USH2A: variants seen among roughly 807,000 people sequenced by gnomAD.
USH2A encodes usherin, also known as Usher syndrome 2A (autosomal recessive, mild).
A neutral mutation model predicts 538.9 loss-of-function variants in USH2A; 443 were observed. The ratio of observed to expected loss-of-function variants is 0.82; its 90% CI spans 0.76 to 0.89. USH2A has a LOEUF of 0.89. USH2A is among the 40% of genes least tolerant of loss of function. USH2A has a pLI of 0.00. For synonymous variants in USH2A, 2,413 were observed against 2,273.5 expected (o/e 1.06, Z -1.75); for missense variants, 6,633 against 6,324.8 (o/e 1.05, Z -1.65).
chr1:215,880,472 G>A (rs1664875862), intron 41 of USH2A, among the ~76,000 whole-genome samples: 1 of 152,182 alleles, frequency 6.6e-6, no homozygotes, highest in African/African-American at 2.4e-5. Flanking sequence ...AGAGTTCTAA[G>A]AAGAGAGGCT....
chr1:216,044,471 G>A (rs1001717406), intron 32 of USH2A, among the ~76,000 whole-genome samples: 1 of 152,032 alleles, frequency 6.6e-6, no homozygotes, highest in African/African-American at 2.4e-5. Flanking sequence ...AACTTCTGTG[G>A]TTTATAATTT....
At chr1:215,906,688 A>C (rs111786864) in intron 38 of USH2A, among the ~76,000 whole-genome samples, 4,210 of 152,136 alleles carry the variant, frequency 0.028, 84 homozygotes, top group Middle Eastern at 0.041. Context: ...AGGGATTCCC[A>C]TCATTCCACA....
chr1:215,830,526 G>T (rs1663282454), intron 47 of USH2A, among the ~76,000 whole-genome samples: 1 of 152,120 alleles, frequency 6.6e-6, no homozygotes, highest in South Asian at 2.1e-4. Context: ...GAGGCAGGCT[G>T]GGAGGCAAAC....
At chr1:215,776,810 C>G (rs1382375862) in intron 55 of USH2A, among the ~76,000 whole-genome samples, 1 of 152,134 alleles carries the variant, frequency 6.6e-6, no homozygotes, top group Non-Finnish European at 1.5e-5. Context: ...GGTCAGTCAG[C>G]TAACCGTGGA....
At chr1:215,970,473 C>T (rs1667465340) in intron 36 of USH2A, 152 bp downstream of exon 36, 1 of 902,494 alleles carries the variant, frequency 1.1e-6, no homozygotes, top group Admixed American at 2.3e-5. Flanking sequence ...ATCTTAGTAA[C>T]TCTTAAATGA....
At chr1:216,241,659 C>A (rs1383416752) in intron 13 of USH2A, among the ~76,000 whole-genome samples, 1 of 152,074 alleles carries the variant, frequency 6.6e-6, no homozygotes, top group Non-Finnish European at 1.5e-5. Context: ...CTCAGTCTCC[C>A]AAGTAGCTGG....
intron 49 of USH2A, among the ~76,000 whole-genome samples, chr1:215,812,564 C>T (rs17042183): frequency 0.047 from 7,152 of 152,128 alleles, 271 homozygotes; most frequent in South Asian, 0.14. Flanking sequence ...AGGAACCAGA[C>T]GTTGGGCATA....
intron 14 of USH2A, among the ~76,000 whole-genome samples, chr1:216,225,504 A>T (rs1414637618): frequency 1.3e-5 from 2 of 152,172 alleles, no homozygotes; most frequent in Non-Finnish European, 2.9e-5. Context: ...AGTAAGAGAC[A>T]AATCCTGCTG....
At chr1:215,783,075 T>C (rs1558095994) in intron 52 of USH2A, 140 bp from the exon 53 acceptor site, 3 of 696,112 alleles carry the variant, frequency 4.3e-6, no homozygotes, top group South Asian at 2.3e-5. Flanking sequence ...AATAAAACTC[T>C]AATATCTTTA....
intron 3 of USH2A, 72 bp downstream of exon 3, chr1:216,418,442 C>A: frequency 6.4e-7 from 1 of 1,557,878 alleles, no homozygotes; most frequent in East Asian, 2.3e-5. Context: ...TGAGTAGATG[C>A]CATTTAAAAG....
At chr1:216,281,330 T>C (rs2036771672) in intron 11 of USH2A, among the ~76,000 whole-genome samples, 1 of 152,122 alleles carries the variant, frequency 6.6e-6, no homozygotes, top group Non-Finnish European at 1.5e-5. Context: ...ATAAAAGTTA[T>C]AAATAAAGCA....
At position 216,251,216 on chromosome 1, in the gene USH2A, G is replaced by A. The variant is rs1232605491; in HGVS notation, c.1972-118C>T. 7.0e-6 allele frequency: 7 copies of A among 1,001,762 alleles called. No individual in the cohort carries two copies. The African/African-American group carries it at 9.6e-5, about 14-fold the overall frequency. 62.1% of individuals were successfully genotyped at this position (1,001,762 alleles called of 1,614,324 possible). A position where few individuals can be genotyped will look rare whatever the true frequency, so the allele number is the denominator to read the frequency against. On this transcript the variant is annotated intron_variant, in intron 11 of 71. Transcript: ENST00000307340. The stretch of plus-strand genomic sequence containing the variant: ...AAACTAAATGTTCAACAGACAAGAA[G>A]GTAATAAGATATTTTTCCTCTTGAC...
chr1:216,343,096 C>T (rs2038107230), intron 4 of USH2A, among the ~76,000 whole-genome samples: 1 of 151,732 alleles, frequency 6.6e-6, no homozygotes, highest in Admixed American at 6.6e-5. Flanking sequence ...AAAACTAAAA[C>T]AAATTTAAAT....
At chr1:215,763,361 A>G (rs1168210451) in intron 56 of USH2A, among the ~76,000 whole-genome samples, 1 of 152,162 alleles carries the variant, frequency 6.6e-6, no homozygotes, top group African/African-American at 2.4e-5. Context: ...GGAGATGGGT[A>G]GGAAGTAGGT....
intron 32 of USH2A, among the ~76,000 whole-genome samples, chr1:216,004,968 T>C (rs1264347297): frequency 6.6e-6 from 1 of 152,164 alleles, no homozygotes; most frequent in Non-Finnish European, 1.5e-5. Flanking sequence ...TACTTCAATT[T>C]TCCCAATGAA....
At chr1:215,824,700 A>C (rs1432214842) in intron 47 of USH2A, among the ~76,000 whole-genome samples, 2 of 152,076 alleles carry the variant, frequency 1.3e-5, no homozygotes, top group Non-Finnish European at 2.9e-5. Flanking sequence ...CCCTTCGGGC[A>C]CTCCTGATGC....
rs561977894 is a variant in USH2A, at chr1:216,214,006, T to C, written c.3157+3381A>G. Among the ~76,000 whole-genome samples the C allele has an allele frequency of 1.8e-4, 27 of 152,162 alleles. No homozygotes were observed. The South Asian group carries it at 4.6e-3, about 26-fold the overall frequency. On this transcript the variant is annotated intron_variant, in intron 15 of 71. Coordinates refer to ENST00000307340, the MANE Select transcript of USH2A (RefSeq NM_206933.4). ...AACTAAAATCACAACAAGATACTACTACACACTCACTGAATGGCTATAATG... is the reference window on the plus strand; with the variant it reads ...AACTAAAATCACAACAAGATACTACCACACACTCACTGAATGGCTATAATG...
rs969374126 is a variant in USH2A, at chr1:216,246,880, T to C, written c.2514A>G (p.Gln838=). ...AAGGCAGACAGAGGAAAGAATTATT[T>C]TGCCGTAGGTAGAAGTTTCCCTCCA... is the stretch of plus-strand genomic sequence containing the variant. The part of the protein sequence containing the change: ...KCLEGNFYLR[Q]NNSFLCLPCN... The change falls in exon 13 of 72, where the codon CAA becomes CAG. Residue 838 remains glutamine (Q), a synonymous_variant. Coordinates refer to ENST00000307340, the MANE Select transcript of USH2A (RefSeq NM_206933.4). 2.5e-6 allele frequency: 4 copies of C among 1,614,134 alleles called. No homozygotes were observed. In the South Asian group the frequency reaches 4.4e-5, roughly 18 times the overall value.
intron 37 of USH2A, among the ~76,000 whole-genome samples, chr1:215,958,789 TAAAGA>T (rs1558182390): frequency 6.6e-6 from 1 of 152,178 alleles, no homozygotes; most frequent in Non-Finnish European, 1.5e-5. Flanking sequence ...GTCTCAGGTA[TAAAGA>T]GGCTCTTTTA....
Sources: gnomAD v4.1 joint callset for allele counts (sites outside exome capture counted in the v4.1 genomes callset) on GRCh38, gnomAD v4.1.1 for gene constraint, MANE v1.5 for transcripts, NCBI Gene and HGNC (gene_info 2026-07-23, HGNC 2026-07-21) for gene names.